Variants in NDRG4 observed in about 807,000 individuals in gnomAD.
NDRG4 encodes the protein NDRG family member 4.
Under a neutral mutation model 55.8 loss-of-function variants are expected in NDRG4, and 38 were observed. The observed-to-expected ratio is 0.68, with a 90% CI of 0.53 to 0.89. The LOEUF (loss-of-function observed/expected upper bound fraction) is 0.89. NDRG4 is among the 40% of genes least tolerant of loss of function. The pLI is 0.00. For missense variants in NDRG4, 455 were observed against 468.6 expected, an observed-to-expected ratio of 0.97 and a Z score of 0.27; for synonymous variants, 190 against 182.7, an observed-to-expected ratio of 1.04 and a Z score of -0.32.
In NDRG4 at chr16:58,494,944, C is replaced by T. The variant is rs777903632; in HGVS notation, c.73-20C>T. On this transcript the variant is annotated intron_variant, in intron 2 of 15. Transcript: ENST00000258187. ...CAGCCAGGGCCTAACTTGCCACCCC[C>T]TCTGTTTGCCTTCCCCTAGGAGAGC... 4.3e-6 allele frequency: 7 copies of T among 1,613,378 alleles called. No individual in the cohort carries two copies. In the East Asian group the frequency reaches 8.9e-5, roughly 21 times the overall value.
At chr16:58,506,291 G>A (rs773986050) in intron 5 of NDRG4, 96 bp from the exon 6 acceptor site, 2 of 1,212,122 alleles carry the variant, frequency 1.7e-6, no homozygotes, top group Non-Finnish European at 2.4e-6. Context: ...CTGTAGCCGG[G>A]TGGCTGATCA....
In NDRG4 at chr16:58,504,664, G is replaced by T; in HGVS notation, c.372+15G>T. 6.2e-7 allele frequency: 1 copy of T among 1,614,128 alleles called. No homozygotes were observed. The highest frequency in any genetic ancestry group is 8.5e-7 in the Non-Finnish European group (1 of 1,179,974). ...CCAAGTTTGCAGTGAGTCTCCCCAT[G>T]CCCCCATTACCCCAAACACCAGGGC... On this transcript the variant is annotated intron_variant, in intron 5 of 14. Transcript: ENST00000570248.
rs563852090 is a variant in NDRG4, at chr16:58,468,059, A to C, written c.-24+4262A>C. Among the ~76,000 whole-genome samples, 4 of 152,304 alleles carry C rather than the reference A, an allele frequency of 2.6e-5. No individual in the cohort carries two copies. In the East Asian group the frequency reaches 7.7e-4, roughly 29 times the overall value. On this transcript the variant is annotated intron_variant, in intron 1 of 15. Coordinates refer to the NDRG4 transcript ENST00000258187. ...GTTCCTGTGAGTCAGGCATGGCCTC[A>C]GGGGGTGGGGCCCTTCCAGCCAGAC...
exon 2 of NDRG4, chr16:58,487,801 G>T (rs377012038): frequency 1.9e-6 from 3 of 1,544,056 alleles, no homozygotes; most frequent in Admixed American, 4.0e-5. Flanking sequence ...CAGGAGCTGC[G>T]ATTCCCTGAG....
intron 1 of NDRG4, among the ~76,000 whole-genome samples, chr16:58,481,736 G>A (rs911181126): frequency 1.8e-4 from 27 of 152,232 alleles, no homozygotes; most frequent in Middle Eastern, 3.4e-3. Context: ...CCAGTCAGTT[G>A]CTCCTTCCTG....
chr16:58,500,610 A>G, intron 1 of NDRG4: 1 of 523,338 alleles, frequency 1.9e-6, no homozygotes, highest in South Asian at 2.4e-5. Flanking sequence ...TAGTGCCTGC[A>G]TGTCCCTCTG....
At chr16:58,500,572 G>A (rs1240960461) in intron 1 of NDRG4, 2 of 548,394 alleles carry the variant, frequency 3.6e-6, no homozygotes, top group African/African-American at 3.9e-5. Flanking sequence ...GTCTGACTTG[G>A]CTGCATTGCC....
At chr16:58,508,631 C>A (rs915502077) in intron 10 of NDRG4, among the ~76,000 whole-genome samples, 11 of 152,216 alleles carry the variant, frequency 7.2e-5, no homozygotes, top group African/African-American at 2.7e-4. Context: ...CTCAGACCCT[C>A]GGCACCCCTC....
chr16:58,479,399 T>C (rs1371794901), intron 1 of NDRG4, among the ~76,000 whole-genome samples: 1 of 152,172 alleles, frequency 6.6e-6, no homozygotes. Context: ...ACTCCTCCAC[T>C]CGGCTGTGCA....
intron 1 of NDRG4, among the ~76,000 whole-genome samples, chr16:58,467,746 G>A (rs528107411): frequency 3.9e-5 from 6 of 152,274 alleles, no homozygotes; most frequent in South Asian, 4.1e-4. Context: ...AAATGGGATC[G>A]TCGTGGTGCC....
At chr16:58,515,203 G>A (rs1022252357), downstream of NDRG4, among the ~76,000 whole-genome samples, 5 of 152,154 alleles carry the variant, frequency 3.3e-5, no homozygotes, top group Non-Finnish European at 7.4e-5. Context: ...CAGACCCTCG[G>A]CTTCCGATCC....
intron 1 of NDRG4, among the ~76,000 whole-genome samples, chr16:58,480,093 G>A (rs936322706): frequency 6.6e-6 from 1 of 152,170 alleles, no homozygotes; most frequent in African/African-American, 2.4e-5. Context: ...GGAATGTGCA[G>A]AGGCTGCATC....
rs537923328 is a variant in NDRG4, at chr16:58,483,353, C to T, written c.-23-4403C>T. ...CTGGCTGCATGGTGGGAGCTGAGTG[C>T]TCCTGTTTGCCTTTAAAAAAAAAAG... On this transcript the variant is annotated intron_variant, in intron 1 of 15. Transcript: ENST00000258187. Among the ~76,000 whole-genome samples the T allele has an allele frequency of 3.3e-5, 5 of 151,890 alleles. No individual in the cohort carries two copies. The South Asian group carries it at 1.0e-3, about 32-fold the overall frequency.
At chr16:58,500,987 G>T in intron 1 of NDRG4, 1 of 1,244,962 alleles carries the variant, frequency 8.0e-7, no homozygotes, top group East Asian at 3.1e-5. Context: ...TTATTTTGTA[G>T]GTGGGGGAAG....
chr16:58,487,350 G>A (rs575081809), intron 1 of NDRG4, among the ~76,000 whole-genome samples: 24 of 152,094 alleles, frequency 1.6e-4, no homozygotes, highest in African/African-American at 3.4e-4. Flanking sequence ...GTGAAACCCC[G>A]TCTTTACTAA....
chr16:58,493,852 G>A (rs2036074988), intron 2 of NDRG4, among the ~76,000 whole-genome samples: 1 of 152,190 alleles, frequency 6.6e-6, no homozygotes, highest in Non-Finnish European at 1.5e-5. Context: ...AGTGGCCCGA[G>A]TCTGAGCTGG....
downstream of NDRG4, among the ~76,000 whole-genome samples, chr16:58,514,013 A>C (rs533405142): frequency 2.0e-5 from 3 of 152,032 alleles, no homozygotes; most frequent in South Asian, 6.2e-4. Context: ...CTTAAAGACA[A>C]AACAAAACAC....
chr16:58,478,466 A>C (rs891311763), intron 1 of NDRG4, among the ~76,000 whole-genome samples: 1 of 152,104 alleles, frequency 6.6e-6, no homozygotes, highest in Non-Finnish European at 1.5e-5. Flanking sequence ...AGGAGGACAT[A>C]CCAACTAAAT....
chr16:58,467,800 A>C (rs1175581582), intron 1 of NDRG4, among the ~76,000 whole-genome samples: 1 of 152,194 alleles, frequency 6.6e-6, no homozygotes, highest in Non-Finnish European at 1.5e-5. Context: ...GAGCGTGTGC[A>C]AGACGTCGAG....
Sources: allele counts gnomAD v4.1 joint callset (sites outside exome capture counted in the v4.1 genomes callset), GRCh38; gene constraint gnomAD v4.1.1; transcripts MANE v1.5; gene names NCBI Gene and HGNC (gene_info 2026-07-23, HGNC 2026-07-21).